The following AGBL4 variants were observed in gnomAD, a reference collection of about 807,000 sequenced individuals.
The protein encoded by AGBL4 is AGBL carboxypeptidase 4, also known as cytosolic carboxypeptidase 6.
In AGBL4, 58 loss-of-function variants were observed where a neutral mutation model predicts 66.4. The ratio of observed to expected loss-of-function variants is 0.87; its 90% CI spans 0.71 to 1.09. AGBL4 has a LOEUF of 1.09. Among genes scored for constraint, AGBL4 ranks in the 50% least tolerant of loss-of-function variants. The pLI, the probability that AGBL4 is intolerant of heterozygous loss-of-function variation, is 0.00. For missense variants in AGBL4, 579 were observed against 631.0 expected (o/e 0.92, Z 0.88); for synonymous variants, 234 against 222.9 (o/e 1.05, Z -0.44).
chr1:49,761,420 CTG>C (rs1351515593), intron 2 of AGBL4, among the ~76,000 whole-genome samples: 6 of 152,144 alleles, frequency 3.9e-5, no homozygotes, highest in South Asian at 2.1e-4. Flanking sequence ...GAAAAGGACT[CTG>C]TGAAATGAGC....
rs116001568 is a variant in AGBL4 at position 49,506,966 on chromosome 1, C to T, written c.282+190347G>A. On this transcript the variant is annotated intron_variant, in intron 3 of 13. Coordinates refer to ENST00000371839, the MANE Select transcript of AGBL4 (RefSeq NM_032785.4). The stretch of plus-strand genomic sequence containing the variant: ...TATTCACACCCTTATGTACTCCTCT[C>T]CCTTTGAATTTGGGCTGGATCTGAA... 8.7e-3 allele frequency among the ~76,000 whole-genome samples: 1,326 copies of T among 152,056 alleles called. 22 individuals carry two copies. The highest frequency in any genetic ancestry group is 0.014 in the Non-Finnish European group (981 of 67,950).
At chr1:49,718,535 G>A (rs923122939) in intron 2 of AGBL4, among the ~76,000 whole-genome samples, 2 of 151,872 alleles carry the variant, frequency 1.3e-5, no homozygotes, top group South Asian at 2.1e-4. Context: ...AAACATAAAC[G>A]GGTCAAAATG....
chr1:48,586,649 C>A, intron 11 of AGBL4: 1 of 250,412 alleles, frequency 4.0e-6, no homozygotes, highest in Non-Finnish European at 7.9e-6. Flanking sequence ...TCTTCCTCAG[C>A]AACCCTGGGG....
intron 5 of AGBL4, among the ~76,000 whole-genome samples, chr1:48,990,927 G>A (rs1660554746): frequency 6.6e-6 from 1 of 151,934 alleles, no homozygotes; most frequent in Non-Finnish European, 1.5e-5. Flanking sequence ...TATTATATAT[G>A]TCTTGAAAAG....
intron 3 of AGBL4, among the ~76,000 whole-genome samples, chr1:49,363,859 A>G (rs1266788942): frequency 6.6e-6 from 1 of 152,250 alleles, no homozygotes; most frequent in Non-Finnish European, 1.5e-5. Flanking sequence ...TGAGTAAGAC[A>G]TGATCCTTGC....
At chr1:49,821,767 T>C (rs1442287654) in intron 2 of AGBL4, among the ~76,000 whole-genome samples, 1 of 152,232 alleles carries the variant, frequency 6.6e-6, no homozygotes, top group Non-Finnish European at 1.5e-5. Context: ...TTCCTATAAA[T>C]GATAGATTTT....
At chr1:49,594,268 G>C (rs1644809239) in intron 3 of AGBL4, among the ~76,000 whole-genome samples, 1 of 152,164 alleles carries the variant, frequency 6.6e-6, no homozygotes, top group Non-Finnish European at 1.5e-5. Context: ...CTGGATACCT[G>C]TACAGGAAAG....
At chr1:49,593,888 G>A (rs1644801666) in intron 3 of AGBL4, among the ~76,000 whole-genome samples, 1 of 152,120 alleles carries the variant, frequency 6.6e-6, no homozygotes, top group Middle Eastern at 3.4e-3. Context: ...AAAATATAGA[G>A]AGTATGCTAA....
chr1:48,798,868 T>C (rs1645749906), intron 6 of AGBL4, among the ~76,000 whole-genome samples: 1 of 152,228 alleles, frequency 6.6e-6, no homozygotes, highest in African/African-American at 2.4e-5. Context: ...TCTGTTTCAA[T>C]AGTCTATATG....
At chr1:49,782,655 G>T (rs777587270) in intron 2 of AGBL4, among the ~76,000 whole-genome samples, 1 of 152,206 alleles carries the variant, frequency 6.6e-6, no homozygotes, top group Non-Finnish European at 1.5e-5. Context: ...GGTAAGTGGG[G>T]TCTAATGAGA....
chr1:49,743,753 G>A (rs1454423638), intron 2 of AGBL4, among the ~76,000 whole-genome samples: 2 of 152,026 alleles, frequency 1.3e-5, no homozygotes, highest in African/African-American at 4.8e-5. Context: ...GTCCTTCGTA[G>A]GGCCATGGAT....
At chr1:48,875,367 C>A (rs1048067001) in intron 5 of AGBL4, among the ~76,000 whole-genome samples, 1 of 152,200 alleles carries the variant, frequency 6.6e-6, no homozygotes, top group South Asian at 2.1e-4. Flanking sequence ...CAGGACCTAC[C>A]CTCATCAGAA....
At chr1:49,782,999 G>A (rs548495632) in intron 2 of AGBL4, among the ~76,000 whole-genome samples, 1 of 151,600 alleles carries the variant, frequency 6.6e-6, no homozygotes, top group South Asian at 2.1e-4. Context: ...AGAGGCCCCA[G>A]AAACCTGTTT....
At chr1:49,929,791 G>A (rs1373789689) in intron 1 of AGBL4, among the ~76,000 whole-genome samples, 1 of 152,044 alleles carries the variant, frequency 6.6e-6, no homozygotes, top group Admixed American at 6.5e-5. Flanking sequence ...ACAATGTATT[G>A]TGTAGTCTAT....
At chr1:48,911,201 T>C (rs977792168) in intron 5 of AGBL4, among the ~76,000 whole-genome samples, 3 of 152,228 alleles carry the variant, frequency 2.0e-5, no homozygotes, top group African/African-American at 7.2e-5. Context: ...TGCTAGGCAC[T>C]GGGACTGAAA....
rs539394390 is a variant in AGBL4, at chr1:48,955,473, A to T, written c.595-88243T>A. Reference sequence around the variant, plus strand: ...TTGTGTTAGCTCTTTATCACAGGCTATCTCTTATTTGAAAACTTTGTATGC... The same window carrying T: ...TTGTGTTAGCTCTTTATCACAGGCTTTCTCTTATTTGAAAACTTTGTATGC... On this transcript the variant is annotated intron_variant, in intron 5 of 13. Transcript: ENST00000371839. Among the ~76,000 whole-genome samples, 439 of 152,198 alleles carry T rather than the reference A, an allele frequency of 2.9e-3. 2 individuals are homozygous for T. Among genetic ancestry groups the T allele is most frequent in the African/African-American group, 0.01 (420 of 41,506 alleles).
intron 3 of AGBL4, among the ~76,000 whole-genome samples, chr1:49,603,576 A>C (rs1415917913): frequency 6.6e-6 from 1 of 151,514 alleles, no homozygotes; most frequent in African/African-American, 2.4e-5. Context: ...ATAAATAAAC[A>C]AATAAATAGA....
intron 3 of AGBL4, among the ~76,000 whole-genome samples, chr1:49,411,096 C>T (rs542925537): frequency 3.3e-5 from 5 of 152,292 alleles, no homozygotes; most frequent in South Asian, 4.1e-4. Flanking sequence ...AGCAGTGGTT[C>T]GGTCCAAGTC....
At chr1:49,947,958 ATATAAATATATATATT>A (rs201457610) in intron 1 of AGBL4, among the ~76,000 whole-genome samples, 19,359 of 110,184 alleles carry the variant, frequency 0.18, 2,869 homozygotes, top group East Asian at 0.42. Context: ...TGCAATATAT[ATATAAATATATATATT>A]TATAAATATA....
Sources: gnomAD v4.1 joint callset for allele counts (sites outside exome capture counted in the v4.1 genomes callset) on GRCh38, gnomAD v4.1.1 for gene constraint, MANE v1.5 for transcripts, NCBI Gene and HGNC (gene_info 2026-07-23, HGNC 2026-07-21) for gene names.